POU2F3: variants seen among roughly 807,000 people sequenced by gnomAD.
POU2F3 encodes the protein POU domain, class 2, transcription factor 3.
Under a neutral mutation model 59.2 loss-of-function variants are expected in POU2F3, and 23 were observed. The ratio of observed to expected loss-of-function variants is 0.39; its 90% CI spans 0.28 to 0.55. The LOEUF (loss-of-function observed/expected upper bound fraction) is 0.55, where lower values mean the gene tolerates loss of function less well. Ranked by LOEUF, POU2F3 falls within the 20% of genes least tolerant of loss-of-function variation. The probability of loss-of-function intolerance (pLI) is 0.66; values close to 1 mark genes in which losing one functional copy is unlikely to be tolerated. For missense variants in POU2F3, 473 were observed against 544.5 expected, an observed-to-expected ratio of 0.87 and a Z score of 1.31; for synonymous variants, 190 against 214.6, an observed-to-expected ratio of 0.89 and a Z score of 1.00.
At chr11:120,307,831 C>T (rs1160589650) in intron 9 of POU2F3, among the ~76,000 whole-genome samples, 1 of 152,204 alleles carries the variant, frequency 6.6e-6, no homozygotes, top group East Asian at 1.9e-4. Flanking sequence ...TCCACTGACC[C>T]TTCTTGCCCT....
chr11:120,295,056 T>G (rs1439210710), intron 3 of POU2F3, among the ~76,000 whole-genome samples: 2 of 152,210 alleles, frequency 1.3e-5, no homozygotes, highest in East Asian at 3.8e-4. Flanking sequence ...CAAAGGGCTT[T>G]TCTGCTATCA....
intron 3 of POU2F3, among the ~76,000 whole-genome samples, chr11:120,290,623 C>G (rs754459447): frequency 6.6e-6 from 1 of 152,146 alleles, no homozygotes; most frequent in African/African-American, 2.4e-5. Context: ...CCTTGGTTCC[C>G]GTATCTGTTA....
intron 3 of POU2F3, among the ~76,000 whole-genome samples, chr11:120,294,321 C>T (rs1006155090): frequency 6.6e-6 from 1 of 152,176 alleles, no homozygotes; most frequent in Non-Finnish European, 1.5e-5. Context: ...GGCAGAGCAC[C>T]CTGTGGTGAC....
chr11:120,236,947 T>C (rs1938520394), upstream of POU2F3, among the ~76,000 whole-genome samples: 3 of 152,166 alleles, frequency 2.0e-5, no homozygotes, highest in South Asian at 4.1e-4. Flanking sequence ...TCCCCCTCCT[T>C]GTGGGCCTCA....
intron 9 of POU2F3, among the ~76,000 whole-genome samples, chr11:120,307,970 G>A (rs1029575883): frequency 6.6e-6 from 1 of 152,044 alleles, no homozygotes; most frequent in Admixed American, 6.6e-5. Flanking sequence ...TTGTATGTAA[G>A]TTCTCTATTT....
At position 120,305,795 on chromosome 11, in the gene POU2F3, G is replaced by A. The variant is rs1414952095; in HGVS notation, c.769+10G>A. The A allele has an allele frequency of 9.3e-6, 15 of 1,612,716 alleles. No homozygotes were observed. The highest frequency in any genetic ancestry group is 1.9e-4 in the Middle Eastern group (1 of 5,254). On this transcript the variant is annotated intron_variant, in intron 8 of 12. Transcript: ENST00000543440. ...TGGCTGAATGATGCAGGTAGGCCTC[G>A]CAAACACGGATGCCAGGGGCCCTAG...
intron 11 of POU2F3, among the ~76,000 whole-genome samples, chr11:120,316,816 T>C (rs929190446): frequency 6.6e-6 from 1 of 152,212 alleles, no homozygotes; most frequent in Non-Finnish European, 1.5e-5. Context: ...CATCGTGCCC[T>C]CAAGTTCTCT....
At chr11:120,293,677 T>G (rs992268002) in intron 3 of POU2F3, among the ~76,000 whole-genome samples, 1 of 152,108 alleles carries the variant, frequency 6.6e-6, no homozygotes, top group African/African-American at 2.4e-5. Context: ...TATTCATTAG[T>G]GTTGAGCTGT....
chr11:120,310,118 T>A (rs1021628620), intron 10 of POU2F3, among the ~76,000 whole-genome samples: 11 of 152,060 alleles, frequency 7.2e-5, no homozygotes, highest in African/African-American at 2.7e-4. Flanking sequence ...GGCTGCTATG[T>A]GGGGAATAAT....
At chr11:120,251,567 C>T (rs1939102000) in intron 2 of POU2F3, among the ~76,000 whole-genome samples, 1 of 152,142 alleles carries the variant, frequency 6.6e-6, no homozygotes, top group Non-Finnish European at 1.5e-5. Flanking sequence ...CATCCCTCAC[C>T]TCTCTGGAAG....
intron 3 of POU2F3, among the ~76,000 whole-genome samples, chr11:120,275,208 G>C (rs1940269442): frequency 6.6e-6 from 1 of 152,178 alleles, no homozygotes; most frequent in Non-Finnish European, 1.5e-5. Flanking sequence ...GTGGAGGAAG[G>C]GGACTTGAGT....
chr11:120,317,044 C>A (rs1178538637), intron 11 of POU2F3, 185 bp from the exon 12 acceptor site: 2 of 653,822 alleles, frequency 3.1e-6, no homozygotes, highest in Admixed American at 2.7e-5. Flanking sequence ...GTGACGACAG[C>A]CCCTCTGGGT....
chr11:120,242,134 C>A (rs377498312), intron 1 of POU2F3, among the ~76,000 whole-genome samples: 3 of 152,180 alleles, frequency 2.0e-5, no homozygotes, highest in Non-Finnish European at 2.9e-5. Context: ...CCCATTCCCC[C>A]CTCAGGGCTA....
chr11:120,312,579 G>A (rs1407823400), intron 10 of POU2F3, among the ~76,000 whole-genome samples: 1 of 152,158 alleles, frequency 6.6e-6, no homozygotes, highest in Non-Finnish European at 1.5e-5. Context: ...CTCTCTAAGG[G>A]ATCATTGAAC....
intron 2 of POU2F3, chr11:120,254,704 T>TC (rs1318485005): frequency 6.6e-6 from 1 of 152,396 alleles, no homozygotes; most frequent in African/African-American, 2.4e-5. Flanking sequence ...CTTCTGGGGT[T>TC]CTCCCACATT....
In POU2F3 at chr11:120,315,400, C is replaced by T. The variant is rs1003413528; in HGVS notation, c.1108C>T (p.Pro370Ser). ...GTCTCTGGGCCCCCTCTCTGTCCCT[C>T]CTGTCCACAGTACCATGCCTGGAAC... ...SGSLGPLSVP[P>S]VHSTMPGTVT... is the part of the protein sequence containing the mutation. The change falls in exon 11 of 13, where the codon CCT becomes TCT. Residue 370 changes from proline to serine, a missense_variant. By Grantham distance (74) the Pro-to-Ser change is moderately conservative. Coordinates refer to ENST00000543440, the MANE Select transcript of POU2F3 (RefSeq NM_014352.4). 5.6e-6 allele frequency: 9 copies of T among 1,613,568 alleles called. No individual in the cohort carries two copies. Among genetic ancestry groups the T allele is most frequent in the African/African-American group, 4.0e-5 (3 of 74,900 alleles).
intron 3 of POU2F3, among the ~76,000 whole-genome samples, chr11:120,296,521 C>T (rs11217802): frequency 0.08 from 12,189 of 152,092 alleles, 1,521 homozygotes; most frequent in East Asian, 0.65. Flanking sequence ...ACTGAGTACC[C>T]ATTAGTTATT....
chr11:120,290,016 G>A (rs1055457967), intron 3 of POU2F3, among the ~76,000 whole-genome samples: 4 of 152,164 alleles, frequency 2.6e-5, no homozygotes, highest in African/African-American at 9.7e-5. Context: ...TGAAATGGAA[G>A]GGGAACCTTT....
chr11:120,296,326 C>G (rs1045515122), intron 3 of POU2F3, among the ~76,000 whole-genome samples: 4 of 152,234 alleles, frequency 2.6e-5, no homozygotes, highest in African/African-American at 2.4e-5. Context: ...ATATTTAGGA[C>G]ATTAGCTCCC....
Sources: gnomAD v4.1 joint callset for allele counts (sites outside exome capture counted in the v4.1 genomes callset) on GRCh38, gnomAD v4.1.1 for gene constraint, MANE v1.5 for transcripts, NCBI Gene and HGNC (gene_info 2026-07-23, HGNC 2026-07-21) for gene names.